The following GRIN2A variants were observed in gnomAD, a reference collection of about 807,000 sequenced individuals.
GRIN2A encodes the protein glutamate receptor ionotropic, NMDA 2A.
A neutral mutation model predicts 113.4 loss-of-function variants in GRIN2A; 22 were observed. The observed-to-expected ratio is 0.19, with a 90% confidence interval of 0.14 to 0.28. The LOEUF (loss-of-function observed/expected upper bound fraction) is 0.28. GRIN2A is among the 10% of genes least tolerant of loss of function. The pLI is 1.00. For synonymous variants in GRIN2A, 827 were observed against 738.4 expected, an observed-to-expected ratio of 1.12 and a Z score of -1.94; for missense variants, 1,502 against 1,887.0, an observed-to-expected ratio of 0.80 and a Z score of 3.78.
chr16:10,009,614 T>C (rs550672803), intron 2 of GRIN2A, among the ~76,000 whole-genome samples: 1 of 152,178 alleles, frequency 6.6e-6, no homozygotes, highest in African/African-American at 2.4e-5. Context: ...GTGCCTGAGC[T>C]CACCTGGGCA....
chr16:9,942,809 T>C (rs1379316339), intron 2 of GRIN2A, among the ~76,000 whole-genome samples: 1 of 152,198 alleles, frequency 6.6e-6, no homozygotes, highest in Non-Finnish European at 1.5e-5. Context: ...CTGGGCATCA[T>C]GCAGTTACCC....
chr16:10,026,177 TG>T (rs1484285720), intron 2 of GRIN2A, among the ~76,000 whole-genome samples: 1 of 152,196 alleles, frequency 6.6e-6, no homozygotes, highest in Non-Finnish European at 1.5e-5. Context: ...GACACATGAC[TG>T]CTTGGAGATT....
intron 10 of GRIN2A, among the ~76,000 whole-genome samples, chr16:9,816,508 C>T (rs1385259099): frequency 6.6e-6 from 1 of 152,100 alleles, no homozygotes; most frequent in Admixed American, 6.5e-5. Flanking sequence ...AAAAGAAAAA[C>T]ACAAACTATC....
intron 2 of GRIN2A, among the ~76,000 whole-genome samples, chr16:9,975,954 G>T (rs1224565850): frequency 2.6e-5 from 4 of 152,158 alleles, no homozygotes; most frequent in African/African-American, 4.8e-5. Context: ...TCATCAGAAA[G>T]ATATAATAAC....
intron 2 of GRIN2A, among the ~76,000 whole-genome samples, chr16:9,947,131 C>T (rs1252217262): frequency 6.6e-6 from 1 of 152,164 alleles, no homozygotes. Flanking sequence ...TCATCCTTCC[C>T]TTTTCTTACC....
At chr16:9,926,082 C>A (rs192819113) in intron 3 of GRIN2A, among the ~76,000 whole-genome samples, 1 of 152,270 alleles carries the variant, frequency 6.6e-6, no homozygotes, top group African/African-American at 2.4e-5. Flanking sequence ...TTTCTTCCAA[C>A]CTTAAAATAA....
intron 5 of GRIN2A, among the ~76,000 whole-genome samples, chr16:9,847,881 A>C (rs1036058218): frequency 7.4e-5 from 11 of 147,792 alleles, no homozygotes; most frequent in Admixed American, 6.8e-4. Flanking sequence ...CCTCATTGAT[A>C]AAATTTTCTC....
intron 7 of GRIN2A, among the ~76,000 whole-genome samples, chr16:9,835,506 T>C (rs1183481367): frequency 6.6e-6 from 1 of 152,158 alleles, no homozygotes; most frequent in African/African-American, 2.4e-5. Flanking sequence ...AGATTTGCTA[T>C]AAAATCAACA....
chr16:9,987,253 G>T (rs182470714), intron 2 of GRIN2A, among the ~76,000 whole-genome samples: 2 of 152,280 alleles, frequency 1.3e-5, no homozygotes, highest in Non-Finnish European at 1.5e-5. Context: ...ATGATTTTAG[G>T]CATTAGGCCA....
chr16:9,783,227 C>T (rs189956041), intron 11 of GRIN2A, among the ~76,000 whole-genome samples: 5 of 152,334 alleles, frequency 3.3e-5, no homozygotes, highest in South Asian at 2.1e-4. Context: ...ACTCAATCAA[C>T]GGTCTTTAGC....
chr16:9,926,726 C>G (rs1374546020), intron 3 of GRIN2A, among the ~76,000 whole-genome samples: 2 of 151,888 alleles, frequency 1.3e-5, no homozygotes, highest in Non-Finnish European at 2.9e-5. Flanking sequence ...ATAAACCAAC[C>G]CAGGTGGGGA....
At chr16:10,153,740 T>C (rs1407433155) in intron 2 of GRIN2A, among the ~76,000 whole-genome samples, 1 of 152,150 alleles carries the variant, frequency 6.6e-6, no homozygotes, top group African/African-American at 2.4e-5. Context: ...TTTCCACTCT[T>C]ACAAATGAAC....
At chr16:9,885,756 A>G (rs1473714775) in intron 4 of GRIN2A, among the ~76,000 whole-genome samples, 1 of 152,146 alleles carries the variant, frequency 6.6e-6, no homozygotes, top group African/African-American at 2.4e-5. Flanking sequence ...CACGACTGGT[A>G]TTTACCTGCT....
At chr16:10,117,009 T>C (rs1476490791) in intron 2 of GRIN2A, among the ~76,000 whole-genome samples, 4 of 150,546 alleles carry the variant, frequency 2.7e-5, no homozygotes, top group Non-Finnish European at 4.4e-5. Flanking sequence ...CAAGAGGATA[T>C]GAGTGGGGCA....
At chr16:9,943,154 G>C (rs78150346) in intron 2 of GRIN2A, 2,604 of 152,342 alleles carry the variant, frequency 0.017, 34 homozygotes, top group Non-Finnish European at 0.023. Context: ...GGCTCAGCCT[G>C]TATTTTTCGG....
chr16:10,106,390 G>A (rs923969086), intron 2 of GRIN2A, among the ~76,000 whole-genome samples: 10 of 151,742 alleles, frequency 6.6e-5, no homozygotes, highest in South Asian at 2.1e-4. Context: ...TTGAGACCCT[G>A]TCTCTATTTA....
chr16:9,962,476 A>G (rs1340850051), intron 2 of GRIN2A, among the ~76,000 whole-genome samples: 15 of 152,214 alleles, frequency 9.9e-5, no homozygotes, highest in Non-Finnish European at 2.2e-4. Flanking sequence ...ACTTCTCAAA[A>G]CAAGACATTT....
chr16:9,900,478 C>T (rs2043899543), intron 3 of GRIN2A, among the ~76,000 whole-genome samples: 1 of 152,164 alleles, frequency 6.6e-6, no homozygotes, highest in African/African-American at 2.4e-5. Flanking sequence ...ATGTCTAAAA[C>T]TTGAGGTAGG....
chr16:9,813,154 T>C (rs559264763), intron 10 of GRIN2A, among the ~76,000 whole-genome samples: 1 of 152,192 alleles, frequency 6.6e-6, no homozygotes, highest in Admixed American at 6.5e-5. Context: ...TAAGGCATGA[T>C]GAAAACACAA....
Sources: allele counts gnomAD v4.1 joint callset (sites outside exome capture counted in the v4.1 genomes callset), GRCh38; gene constraint gnomAD v4.1.1; transcripts MANE v1.5; gene names NCBI Gene and HGNC (gene_info 2026-07-23, HGNC 2026-07-21).